SORCS3: variants seen among roughly 807,000 people sequenced by gnomAD.
SORCS3 encodes VPS10 domain-containing receptor SorCS3.
SORCS3 carries 57 observed loss-of-function variants against 146.3 expected under a neutral mutation model. The ratio of observed to expected loss-of-function variants is 0.39; its 90% confidence interval spans 0.31 to 0.49. The LOEUF (loss-of-function observed/expected upper bound fraction) is 0.49, where lower values mean the gene tolerates loss of function less well. SORCS3 is among the 20% of genes least tolerant of loss of function. SORCS3 has a pLI of 0.92. For synonymous variants in SORCS3, 653 were observed against 618.5 expected (o/e 1.06, Z -0.83); for missense variants, 1,341 against 1,575.5 (o/e 0.85, Z 2.52).
chr10:104,879,479 C>T (rs959964995), intron 2 of SORCS3, among the ~76,000 whole-genome samples: 35 of 152,156 alleles, frequency 2.3e-4, no homozygotes, highest in Non-Finnish European at 4.3e-4. Context: ...GGATAATCTC[C>T]TGATCTCAAT....
chr10:104,660,619 C>T (rs1001580500), intron 1 of SORCS3, among the ~76,000 whole-genome samples: 1 of 151,686 alleles, frequency 6.6e-6, no homozygotes, highest in Non-Finnish European at 1.5e-5. Context: ...TGTGTCTTCA[C>T]TTTTTTTTTC....
chr10:104,786,584 A>G (rs2017439562), intron 1 of SORCS3, among the ~76,000 whole-genome samples: 1 of 148,466 alleles, frequency 6.7e-6, no homozygotes, highest in South Asian at 2.1e-4. Flanking sequence ...AATAGTGATG[A>G]TGATGATAAA....
intron 1 of SORCS3, among the ~76,000 whole-genome samples, chr10:104,793,497 C>G (rs1480230358): frequency 1.3e-5 from 2 of 151,992 alleles, no homozygotes; most frequent in African/African-American, 4.8e-5. Context: ...AAGTTGAGGT[C>G]TGTGGTATTA....
At chr10:105,019,235 A>G (rs983550602) in intron 4 of SORCS3, among the ~76,000 whole-genome samples, 2 of 152,140 alleles carry the variant, frequency 1.3e-5, no homozygotes, top group African/African-American at 4.8e-5. Flanking sequence ...CATTTTACAG[A>G]TGAAAAAACT....
intron 4 of SORCS3, among the ~76,000 whole-genome samples, chr10:105,001,700 C>A (rs2055062411): frequency 6.6e-6 from 1 of 152,154 alleles, no homozygotes; most frequent in African/African-American, 2.4e-5. Flanking sequence ...CAGTTAGTGA[C>A]AGGTCAATTA....
intron 1 of SORCS3, among the ~76,000 whole-genome samples, chr10:104,833,063 G>A (rs2018019479): frequency 6.6e-6 from 1 of 152,136 alleles, no homozygotes; most frequent in Non-Finnish European, 1.5e-5. Context: ...AGGTGCTCTG[G>A]GTGATCATGT....
intron 2 of SORCS3, among the ~76,000 whole-genome samples, chr10:104,895,546 A>T (rs1288752215): frequency 6.6e-6 from 1 of 152,178 alleles, no homozygotes; most frequent in Non-Finnish European, 1.5e-5. Context: ...TGACTGCTCC[A>T]GCATCCCTCA....
At chr10:105,106,153 G>A (rs2055819914) in intron 7 of SORCS3, among the ~76,000 whole-genome samples, 1 of 152,210 alleles carries the variant, frequency 6.6e-6, no homozygotes. Flanking sequence ...TCCACCAGAT[G>A]ACTGACAGAG....
At chr10:105,034,243 A>C (rs1027426259) in intron 4 of SORCS3, among the ~76,000 whole-genome samples, 1 of 152,142 alleles carries the variant, frequency 6.6e-6, no homozygotes, top group African/African-American at 2.4e-5. Context: ...ATGACACCTG[A>C]CATATGAGTA....
intron 8 of SORCS3, among the ~76,000 whole-genome samples, chr10:105,143,398 C>A (rs955248105): frequency 6.6e-6 from 1 of 152,220 alleles, no homozygotes; most frequent in Admixed American, 6.5e-5. Flanking sequence ...CAACCCCAGC[C>A]CATATCTCTC....
chr10:104,917,093 A>C (rs2019037642), intron 3 of SORCS3, among the ~76,000 whole-genome samples: 1 of 152,210 alleles, frequency 6.6e-6, no homozygotes, highest in Admixed American at 6.5e-5. Context: ...AGCATTGGTG[A>C]TAGATAGCCA....
At chr10:104,789,968 A>C (rs889228409) in intron 1 of SORCS3, among the ~76,000 whole-genome samples, 3 of 152,188 alleles carry the variant, frequency 2.0e-5, no homozygotes, top group African/African-American at 7.2e-5. Flanking sequence ...AATGGTGTGG[A>C]ATGACTCAGG....
At chr10:104,998,120 A>G (rs1389034488) in intron 4 of SORCS3, among the ~76,000 whole-genome samples, 1 of 152,168 alleles carries the variant, frequency 6.6e-6, no homozygotes, top group Non-Finnish European at 1.5e-5. Flanking sequence ...TCAGTTGGGA[A>G]GAACATATAA....
chr10:104,886,215 A>T (rs935882311), intron 2 of SORCS3, among the ~76,000 whole-genome samples: 4 of 152,060 alleles, frequency 2.6e-5, no homozygotes, highest in African/African-American at 7.2e-5. Context: ...GGAGGCTTTT[A>T]TTTTGGGGTA....
At chr10:105,208,639 T>C (rs998600988) in intron 16 of SORCS3, among the ~76,000 whole-genome samples, 2 of 148,892 alleles carry the variant, frequency 1.3e-5, no homozygotes, top group Non-Finnish European at 3.0e-5. Context: ...TTTTATATAA[T>C]ATATATTATA....
chr10:104,902,060 A>AT (rs975292050), intron 2 of SORCS3, among the ~76,000 whole-genome samples: 2 of 152,198 alleles, frequency 1.3e-5, no homozygotes, highest in Non-Finnish European at 2.9e-5. Flanking sequence ...CAACCATCTC[A>AT]TTTTACAGAG....
rs779566982 is a variant in SORCS3 at position 105,115,945 on chromosome 10, A to G, written c.1212+10430A>G. The stretch of plus-strand genomic sequence containing the variant: ...AAAGCAAAATGAAAGAGTTACAGAG[A>G]CAGTCTTCAAAAGAAATCCAATGAA... On this transcript the variant is annotated intron_variant, in intron 7 of 26. Transcript: ENST00000369701. Among the ~76,000 whole-genome samples the G allele has an allele frequency of 2.0e-5, 3 of 152,214 alleles. No homozygotes were observed. The South Asian group carries it at 6.2e-4, about 31-fold the overall frequency.
At chr10:104,838,315 G>T (rs773660056) in intron 1 of SORCS3, among the ~76,000 whole-genome samples, 2 of 151,976 alleles carry the variant, frequency 1.3e-5, no homozygotes, top group Admixed American at 6.6e-5. Flanking sequence ...TAACAGCCCC[G>T]AGCTTGTTAG....
chr10:105,101,468 G>A (rs890515842), intron 6 of SORCS3, among the ~76,000 whole-genome samples: 1 of 152,276 alleles, frequency 6.6e-6, no homozygotes, highest in African/African-American at 2.4e-5. Flanking sequence ...CAATATTTGA[G>A]TCCAGCTAAG....
Sources: allele counts gnomAD v4.1 joint callset (sites outside exome capture counted in the v4.1 genomes callset), GRCh38; gene constraint gnomAD v4.1.1; transcripts MANE v1.5; gene names NCBI Gene and HGNC (gene_info 2026-07-23, HGNC 2026-07-21).